LMF1: variants seen among roughly 807,000 people sequenced by gnomAD.
LMF1 encodes the protein lipase maturation factor 1, also known as transmembrane protein 112.
In LMF1, 68 loss-of-function variants were observed where a neutral mutation model predicts 60.6. That is an observed-to-expected ratio of 1.12 (90% confidence interval 0.92 to 1.37). The LOEUF is 1.37. Among genes scored for constraint, LMF1 ranks in the 40% most tolerant of loss-of-function variants. LMF1 has a pLI of 0.00. For missense variants in LMF1, 948 were observed against 767.2 expected (o/e 1.24, Z -2.78); for synonymous variants, 418 against 324.7 (o/e 1.29, Z -3.09).
chr16:853,668 T>C lies in LMF1; in HGVS notation c.*864A>G, dbSNP rs1567124010. On this transcript the variant is annotated 3_prime_UTR_variant, in exon 11 of 11. Coordinates refer to ENST00000262301, the MANE Select transcript of LMF1 (RefSeq NM_022773.4). ...AAGCTGGTAAGTGGTATAATAGGAA[T>C]AGTAGAAGAATATGCCATAGCTATG... 2.2e-6 allele frequency: 1 copy of C among 453,858 alleles called. No homozygotes were observed. The highest frequency in any genetic ancestry group is 4.4e-6 in the Non-Finnish European group (1 of 226,584). The allele number at this position is 453,858 out of a possible 1,614,324, so 28.1% of individuals were successfully genotyped here.
chr16:905,185 C>T (rs1347504476), intron 4 of LMF1: 1 of 167,480 alleles, frequency 6.0e-6, no homozygotes, highest in Non-Finnish European at 1.3e-5. Flanking sequence ...TCTGCACCGC[C>T]CACAGGACAC....
intron 2 of LMF1, among the ~76,000 whole-genome samples, chr16:949,676 C>A (rs1206900372): frequency 1.0e-5 from 1 of 95,986 alleles, no homozygotes; most frequent in African/African-American, 6.3e-5. Context: ...ACAGAGTCAG[C>A]CAATGACAGA....
Position 879,670 on chromosome 16 carries a change from T to TCGAAGCGA in LMF1, c.789_796dup (p.Glu266ValfsTer49), listed in dbSNP as rs1053415533. 9.3e-6 allele frequency: 15 copies of TCGAAGCGA among 1,610,704 alleles called. No homozygotes were observed. Among genetic ancestry groups the TCGAAGCGA allele is most frequent in the Admixed American group, 8.4e-5 (5 of 59,538 alleles). On this transcript the variant is annotated frameshift_variant, in exon 6 of 11. Transcript: ENST00000262301. LOFTEE classifies it high-confidence loss of function. ...CTCGATGAAGTGGTTGCTGAGCGTC[T>TCGAAGCGA]CGAAGCGATGGAACCACCAGGGTGA...
rs1248436186 is a variant in LMF1 at position 869,128 on chromosome 16, C to T, written c.1417-72G>A. The T allele has an allele frequency of 3.0e-6, 3 of 986,234 alleles. No individual in the cohort carries two copies. In the African/African-American group the frequency reaches 4.8e-5, roughly 16 times the overall value. 61.1% of individuals were successfully genotyped at this position (986,234 alleles called of 1,614,324 possible). The stretch of plus-strand genomic sequence containing the variant: ...AGGCACAGCCCCTCCGGACGCTCGG[C>T]TGTGCCCTCCACTCCCTCCTGAGGC... On this transcript the variant is annotated intron_variant, in intron 9 of 10. Coordinates refer to ENST00000262301, the MANE Select transcript of LMF1 (RefSeq NM_022773.4).
chr16:880,142 C>T (rs987510354), intron 5 of LMF1, among the ~76,000 whole-genome samples: 71 of 152,178 alleles, frequency 4.7e-4, no homozygotes, highest in Non-Finnish European at 1.8e-4. Flanking sequence ...ACAGGCGGCC[C>T]CTCAGGCTCA....
Position 854,656 on chromosome 16 carries a change from C to T in LMF1, c.1580G>A (p.Arg527Lys). 1 of 1,605,404 alleles carries T rather than the reference C, an allele frequency of 6.2e-7. No homozygotes were observed. Among genetic ancestry groups the T allele is most frequent in the East Asian group, 2.2e-5 (1 of 44,660 alleles). Reference sequence around the variant, plus strand: ...CCACCACTTGCCCTCGGCGGCGTGCCTGCCCCCAGGACGGCTGAACTTGTA... The same window carrying T: ...CCACCACTTGCCCTCGGCGGCGTGCTTGCCCCCAGGACGGCTGAACTTGTA... ...YRYKFSRPGG[R>K]HAAEGKWWVR... The change falls in exon 11 of 11, where the codon AGG (arginine) becomes AAG (lysine). Residue 527 changes from arginine to lysine, a missense_variant. Transcript: ENST00000262301.
intron 3 of LMF1, among the ~76,000 whole-genome samples, chr16:916,579 C>A (rs747380795): frequency 3.9e-5 from 6 of 152,202 alleles, no homozygotes; most frequent in East Asian, 1.9e-4. Context: ...TCGGCTCTCG[C>A]TGCGCGCCAG....
In LMF1 at chr16:874,498, G is replaced by A. The variant is rs1051976876; in HGVS notation, c.898-3157C>T. 5.9e-5 allele frequency among the ~76,000 whole-genome samples: 9 copies of A among 152,198 alleles called. No individual in the cohort carries two copies. The highest frequency in any genetic ancestry group is 4.1e-4 in the South Asian group (2 of 4,834). On this transcript the variant is annotated intron_variant, in intron 6 of 10. Coordinates refer to ENST00000262301, the MANE Select transcript of LMF1 (RefSeq NM_022773.4). The surrounding 1 kb of genome is among the most constrained non-coding windows in gnomAD (Gnocchi z 4.1). ...GCCCTAGTGGAGGCTGATGGCTCCCGTGGGGTGCTGGCTGGGCGGCCGGGC... is the reference window on the plus strand; with the variant it reads ...GCCCTAGTGGAGGCTGATGGCTCCCATGGGGTGCTGGCTGGGCGGCCGGGC...
upstream of LMF1, chr16:981,345 AGAGT>A (rs1458341239): frequency 4.3e-3 from 803 of 187,586 alleles, no homozygotes; most frequent in Non-Finnish European, 6.0e-3. Flanking sequence ...AGAGAGAGAG[AGAGT>A]GTGTGTGTGT....
intron 10 of LMF1, among the ~76,000 whole-genome samples, chr16:860,794 G>A (rs1289725194): frequency 6.6e-6 from 1 of 152,106 alleles, no homozygotes; most frequent in Non-Finnish European, 1.5e-5. Flanking sequence ...ATGTTTGTTT[G>A]GGTCTCTTTG....
chr16:870,325 C>T lies in LMF1; in HGVS notation c.1233-259G>A, dbSNP rs1252158544. On this transcript the variant is annotated intron_variant, in intron 8 of 10. Transcript: ENST00000262301. ...GCTGCAGCCGCCATGTGCCCCATGC[C>T]CCTCGGCAGCTCAGGGTGGACATGA... is the stretch of plus-strand genomic sequence containing the variant. 2.6e-5 allele frequency among the ~76,000 whole-genome samples: 4 copies of T among 152,342 alleles called. No homozygotes were observed. The East Asian group carries it at 7.7e-4, about 29-fold the overall frequency.
chr16:862,015 A>G (rs998827965), intron 10 of LMF1, among the ~76,000 whole-genome samples: 8 of 152,206 alleles, frequency 5.3e-5, no homozygotes, highest in African/African-American at 1.9e-4. Context: ...GGGCCTTCCC[A>G]ACACTGACAG....
chr16:928,371 A>G (rs4984986), intron 3 of LMF1, among the ~76,000 whole-genome samples: 47,083 of 152,096 alleles, frequency 0.31, 9,190 homozygotes, highest in African/African-American at 0.53. Flanking sequence ...AGTGGAAGAT[A>G]AGGATAAACC....
intron 5 of LMF1, among the ~76,000 whole-genome samples, chr16:892,528 T>C (rs527436846): frequency 6.6e-6 from 1 of 152,324 alleles, no homozygotes; most frequent in East Asian, 1.9e-4. Context: ...AGCCTTGGTC[T>C]GGGGGCCAAG....
intron 1 of LMF1, chr16:964,187 T>C: frequency 2.0e-5 from 9 of 451,252 alleles, no homozygotes; most frequent in South Asian, 1.4e-4. Flanking sequence ...CCCCAGCTAC[T>C]CGGGAGGCTG....
chr16:934,098 G>C (rs1416139584), intron 3 of LMF1, 146 bp downstream of exon 3: 1 of 1,537,404 alleles, frequency 6.5e-7, no homozygotes, highest in Admixed American at 1.9e-5. Context: ...CAGATCACAA[G>C]CGCCCATCAC....
At chr16:910,527 C>T (rs893605989) in intron 4 of LMF1, among the ~76,000 whole-genome samples, 7 of 152,286 alleles carry the variant, frequency 4.6e-5, no homozygotes, top group East Asian at 3.9e-4. Flanking sequence ...TGTCTGCCAA[C>T]GCGCCCACCA....
At chr16:941,404 A>G (rs8051346) in intron 2 of LMF1, among the ~76,000 whole-genome samples, 71,824 of 151,356 alleles carry the variant, frequency 0.47, 18,638 homozygotes, top group African/African-American at 0.69. Context: ...ATTTTTAGTA[A>G]AGATGAGGCT....
intron 2 of LMF1, among the ~76,000 whole-genome samples, chr16:951,195 CGACAGAGTCAGCCAAT>C (rs1403657988): frequency 1.3e-5 from 2 of 149,702 alleles, no homozygotes; most frequent in Non-Finnish European, 1.5e-5. Flanking sequence ...AGTCAGCCAA[CGACAGAGTCAGCCAAT>C]GACAGAGTCA....
Sources: gnomAD v4.1 joint callset for allele counts (sites outside exome capture counted in the v4.1 genomes callset) on GRCh38, gnomAD v4.1.1 for gene constraint, Gnocchi (gnomAD v3.1) non-coding constraint, MANE v1.5 for transcripts, NCBI Gene and HGNC (gene_info 2026-07-23, HGNC 2026-07-21) for gene names.